Variants in DLGAP5 observed in about 807,000 individuals in gnomAD.
The protein encoded by DLGAP5 is disks large-associated protein 5.
Under a neutral mutation model 99.6 loss-of-function variants are expected in DLGAP5, and 90 were observed. The ratio of observed to expected loss-of-function variants is 0.90; its 90% CI spans 0.76 to 1.08. The LOEUF (loss-of-function observed/expected upper bound fraction) is 1.08, where lower values mean the gene tolerates loss of function less well. Ranked by LOEUF, DLGAP5 falls within the 50% of genes least tolerant of loss-of-function variation. The probability of loss-of-function intolerance (pLI) is 0.00; values close to 1 mark genes in which losing one functional copy is unlikely to be tolerated. For synonymous variants in DLGAP5, 311 were observed against 321.3 expected, an observed-to-expected ratio of 0.97 and a Z score of 0.34; for missense variants, 1,036 against 983.5, an observed-to-expected ratio of 1.05 and a Z score of -0.71.
intron 12 of DLGAP5, 79 bp downstream of exon 12, chr14:55,169,320 A>G: frequency 1.0e-6 from 1 of 997,086 alleles, no homozygotes; most frequent in Non-Finnish European, 1.4e-6. Flanking sequence ...AGCTACTATT[A>G]CCCCATTTTA....
chr14:55,172,171 T>C (rs1215252043), intron 10 of DLGAP5, among the ~76,000 whole-genome samples: 1 of 139,018 alleles, frequency 7.2e-6, no homozygotes, highest in Non-Finnish European at 1.5e-5. Flanking sequence ...CGGCAGGTTT[T>C]GTTTCTTTAA....
chr14:55,190,095 A>G (rs2139544542), intron 1 of DLGAP5, among the ~76,000 whole-genome samples: 1 of 152,304 alleles, frequency 6.6e-6, no homozygotes, highest in African/African-American at 2.4e-5. Context: ...TATAGTTCAC[A>G]ATAACCCTAT....
chr14:55,154,487 C>T lies in DLGAP5; in HGVS notation c.2063+130G>A. On this transcript the variant is annotated intron_variant, in intron 15 of 18. Transcript: ENST00000247191. ...CCTCATTTATAAAAAGGGAGTACTG[C>T]CTATATGTTGCAGGGTCATTATGAA... is the stretch of plus-strand genomic sequence containing the variant. 5.5e-6 allele frequency: 4 copies of T among 732,150 alleles called. No individual in the cohort carries two copies. The South Asian group carries it at 7.0e-5, about 13-fold the overall frequency. 45.4% of individuals were successfully genotyped at this position (732,150 alleles called of 1,614,324 possible). A position where few individuals can be genotyped will look rare whatever the true frequency, so the allele number is the denominator to read the frequency against.
intron 12 of DLGAP5, among the ~76,000 whole-genome samples, chr14:55,165,732 A>G (rs561590214): frequency 6.6e-6 from 1 of 152,218 alleles, no homozygotes; most frequent in Non-Finnish European, 1.5e-5. Context: ...TAAATTAAGC[A>G]TAGACATCAA....
rs533433533 is a variant in DLGAP5 at position 55,183,542 on chromosome 14, T to C, written c.432+18A>G. 1 of 1,530,928 alleles carries C rather than the reference T, an allele frequency of 6.5e-7. No homozygotes were observed. The highest frequency in any genetic ancestry group is 2.3e-5 in the Admixed American group (1 of 43,060). The allele number at this position is 1,530,928 out of a possible 1,614,324, so 94.8% of individuals were successfully genotyped here. ...AAATAAAAGAAACTATTCCTTTATA[T>C]TAAGACACTAAATTTACCTTTTTTG... is the stretch of plus-strand genomic sequence containing the variant. On this transcript the variant is annotated intron_variant, in intron 3 of 18. Transcript: ENST00000247191.
In DLGAP5 at chr14:55,176,976, GAAAAAAAAAAA is replaced by G. The variant is rs34109336; in HGVS notation, c.1049+75_1049+85del. ...CTGGGCGACAGAGCGAACTCCGTCT[GAAAAAAAAAAA>G]AAAAAAAAAAAAAAAAAGAAAGGCA... On this transcript the variant is annotated intron_variant, in intron 8 of 18. Coordinates refer to ENST00000247191, the MANE Select transcript of DLGAP5 (RefSeq NM_014750.5). The G allele has an allele frequency of 1.4e-3, 344 of 253,504 alleles. 1 individual carries two copies. The highest frequency in any genetic ancestry group is 9.9e-3 in the African/African-American group (124 of 12,568). The allele number at this position is 253,504 out of a possible 1,614,324, so 15.7% of individuals were successfully genotyped here.
At chr14:55,163,578 A>C (rs1463712178) in intron 12 of DLGAP5, among the ~76,000 whole-genome samples, 2 of 152,198 alleles carry the variant, frequency 1.3e-5, no homozygotes, top group Non-Finnish European at 2.9e-5. Context: ...GAGTATGTTT[A>C]GTTTTGCGAG....
intron 10 of DLGAP5, among the ~76,000 whole-genome samples, chr14:55,173,285 AAAC>A (rs1279981772): frequency 3.1e-5 from 4 of 127,868 alleles, no homozygotes; most frequent in African/African-American, 8.5e-5. Context: ...AAAAAAAAAA[AAAC>A]AAAAAAAAAA....
chr14:55,151,594 G>A, intron 17 of DLGAP5, 101 bp downstream of exon 17: 1 of 1,234,794 alleles, frequency 8.1e-7, no homozygotes, highest in Non-Finnish European at 1.1e-6. Context: ...ATCCTCAATA[G>A]TTAGATCTAA....
intron 10 of DLGAP5, 30 bp from the exon 11 acceptor site, chr14:55,170,817 C>T (rs1312935982): frequency 1.3e-6 from 2 of 1,578,870 alleles, no homozygotes; most frequent in Non-Finnish European, 1.7e-6. Context: ...TTCAGTTCTA[C>T]AAGTGGTTTT....
chr14:55,175,549 T>C, intron 9 of DLGAP5, 77 bp from the exon 10 acceptor site: 2 of 921,214 alleles, frequency 2.2e-6, no homozygotes, highest in South Asian at 1.7e-5. Flanking sequence ...AAAGACATTT[T>C]AAAAATCCTT....
rs1378485507 is a variant in DLGAP5 at position 55,169,432 on chromosome 14, A to G, written c.1515T>C (p.Asp505=). 4 of 1,592,626 alleles carry G rather than the reference A, an allele frequency of 2.5e-6. No homozygotes were observed. In the Admixed American group the frequency reaches 5.4e-5, roughly 21 times the overall value. Reference sequence around the variant, plus strand: ...TAACCATATCCCAAAATCCATCCAGATCTGTACAGGTAGTCTCCTTTATAC... The same window carrying G: ...TAACCATATCCCAAAATCCATCCAGGTCTGTACAGGTAGTCTCCTTTATAC... ...KRGIKETTCT[D]LDGFWDMVSF... is the part of the protein sequence containing the mutation. Residue 505 remains aspartate (D), a synonymous_variant, in exon 12 of 19, where the codon GAT becomes GAC. Transcript: ENST00000247191.
Position 55,154,084 on chromosome 14 carries a change from ATATC to A in DLGAP5, c.2063+529_2063+532del, listed in dbSNP as rs200930912. Among the ~76,000 whole-genome samples the A allele has an allele frequency of 6.4e-3, 973 of 152,070 alleles. 4 individuals carry two copies. The highest frequency in any genetic ancestry group is 0.014 in the Middle Eastern group (4 of 294). ...AAAACAAACAAAAAAATCTAGAAGCATATCTAGCCCATAACAGTTGTTCAGTACA... is the reference window on the plus strand; with the variant it reads ...AAAACAAACAAAAAAATCTAGAAGCATAGCCCATAACAGTTGTTCAGTACA... On this transcript the variant is annotated intron_variant, in intron 15 of 18. Coordinates refer to ENST00000247191, the MANE Select transcript of DLGAP5 (RefSeq NM_014750.5).
chr14:55,172,209 C>G (rs1426152436), intron 10 of DLGAP5, among the ~76,000 whole-genome samples: 1 of 150,848 alleles, frequency 6.6e-6, no homozygotes, highest in Non-Finnish European at 1.5e-5. Flanking sequence ...TAGGGCCAGA[C>G]TCAGTGGCTC....
chr14:55,183,558 AC>A lies in DLGAP5; in HGVS notation c.432+1del, dbSNP rs761939539. 4 of 1,547,588 alleles carry A rather than the reference AC, an allele frequency of 2.6e-6. No homozygotes were observed. In the African/African-American group the frequency reaches 4.2e-5, roughly 16 times the overall value. On this transcript the variant is annotated splice_donor_variant, in intron 3 of 18. Coordinates refer to ENST00000247191, the MANE Select transcript of DLGAP5 (RefSeq NM_014750.5). LOFTEE classifies it high-confidence loss of function. ...TCCTTTATATTAAGACACTAAATTT[AC>A]CTTTTTTGGCTCAGCTTTCACAGCA...
At position 55,151,856 on chromosome 14, in the gene DLGAP5, T is replaced by A; in HGVS notation, c.2207A>T (p.Asp736Val). 1.2e-6 allele frequency: 2 copies of A among 1,613,982 alleles called. No homozygotes were observed. Among genetic ancestry groups the A allele is most frequent in the Non-Finnish European group, 8.5e-7 (1 of 1,179,952 alleles). The change falls in exon 17 of 19, where the codon GAT becomes GTT. Residue 736 changes from aspartate to valine, a missense_variant. Physicochemically the swap from Asp to Val is radical, Grantham distance 152. Transcript: ENST00000247191. ...LPLLAGGVAD[D>V]INTNKKEGIS... ...TCCTTCTTTTTTGTTAGTATTAATA[T>A]CATCTGCTACTCCACCAGCAAGAAG...
At chr14:55,164,493 C>G (rs1463861514) in intron 12 of DLGAP5, among the ~76,000 whole-genome samples, 1 of 152,092 alleles carries the variant, frequency 6.6e-6, no homozygotes, top group Non-Finnish European at 1.5e-5. Context: ...TACACAAAAA[C>G]TAACCAAATG....
chr14:55,181,232 C>T lies in DLGAP5; in HGVS notation c.561G>A (p.Val187=). 6.2e-7 allele frequency: 1 copy of T among 1,614,022 alleles called. No individual in the cohort carries two copies. Among genetic ancestry groups the T allele is most frequent in the East Asian group, 2.2e-5 (1 of 44,874 alleles). ...PGPRQTSEKK[V]SDKEKKVVQP... is the part of the protein sequence containing the mutation. ...TCCTACCTTTTTTCTCTTTGTCTGA[C>T]ACTTTCTTTTCAGAAGTTTGTCTTG... The change falls in exon 5 of 19, where the codon GTG becomes GTA. Residue 187 remains valine (V), a synonymous_variant. Coordinates refer to ENST00000247191, the MANE Select transcript of DLGAP5 (RefSeq NM_014750.5).
In DLGAP5 at chr14:55,152,530, C is replaced by G; in HGVS notation, c.2121+60G>C. Reference sequence around the variant, plus strand: ...TGGGGATGCTTTACAAAGTTACTTTCTATAATGATATAAACATATGACATA... The same window carrying G: ...TGGGGATGCTTTACAAAGTTACTTTGTATAATGATATAAACATATGACATA... On this transcript the variant is annotated intron_variant, in intron 16 of 18. Transcript: ENST00000247191. The G allele has an allele frequency of 1.5e-6, 2 of 1,313,522 alleles. 1 individual carries two copies. Among genetic ancestry groups the G allele is most frequent in the South Asian group, 3.1e-5 (2 of 64,006 alleles). 81.4% of individuals were successfully genotyped at this position (1,313,522 alleles called of 1,614,324 possible).
Sources: gnomAD v4.1 joint callset for allele counts (sites outside exome capture counted in the v4.1 genomes callset) on GRCh38, gnomAD v4.1.1 for gene constraint, MANE v1.5 for transcripts, NCBI Gene and HGNC (gene_info 2026-07-23, HGNC 2026-07-21) for gene names.